DYSF: variants seen among roughly 807,000 people sequenced by gnomAD.
The protein encoded by DYSF is dysferlin, also known as dystrophy-associated fer-1-like 1.
DYSF carries 212 observed loss-of-function variants against 274.9 expected under a neutral mutation model. That is an observed-to-expected ratio of 0.77 (90% CI 0.69 to 0.86). The LOEUF is 0.86. Among genes scored for constraint, DYSF ranks in the 40% least tolerant of loss-of-function variants. DYSF has a pLI of 0.00. For synonymous variants in DYSF, 1,091 were observed against 1,078.7 expected (o/e 1.01, Z -0.22); for missense variants, 2,666 against 2,783.2 (o/e 0.96, Z 0.95).
intron 22 of DYSF, among the ~76,000 whole-genome samples, chr2:71,557,920 T>A (rs1269780356): frequency 6.6e-6 from 1 of 151,824 alleles, no homozygotes; most frequent in East Asian, 1.9e-4. Context: ...TAATCCCAGC[T>A]ACTTGGGAGG....
At chr2:71,571,239 A>T (rs1210768211) in intron 29 of DYSF, among the ~76,000 whole-genome samples, 6 of 144,884 alleles carry the variant, frequency 4.1e-5, no homozygotes, top group African/African-American at 1.6e-4. Flanking sequence ...GCACACACAG[A>T]TCACACCCAA....
At chr2:71,676,488 A>C (rs748339965) in intron 52 of DYSF, among the ~76,000 whole-genome samples, 5 of 152,176 alleles carry the variant, frequency 3.3e-5, no homozygotes, top group Non-Finnish European at 5.9e-5. Flanking sequence ...TGTATTAAGA[A>C]TACATTGCAA....
At chr2:71,519,811 G>GTTTTTTTTTTTTTTTTT (rs70959241) in intron 10 of DYSF, among the ~76,000 whole-genome samples, 11 of 102,288 alleles carry the variant, frequency 1.1e-4, no homozygotes, top group Non-Finnish European at 1.3e-4. Context: ...CACCCGGCTA[G>GTTTTTTTTTTTTTTTTT]TTTTTTTTTT....
At chr2:71,639,806 C>T (rs535030431) in intron 41 of DYSF, among the ~76,000 whole-genome samples, 1 of 152,306 alleles carries the variant, frequency 6.6e-6, no homozygotes, top group South Asian at 2.1e-4. Context: ...AGCCAGTTTG[C>T]CTTCTGGAAT....
At chr2:71,640,521 G>A (rs1042247610) in intron 41 of DYSF, among the ~76,000 whole-genome samples, 3 of 152,076 alleles carry the variant, frequency 2.0e-5, no homozygotes, top group African/African-American at 7.2e-5. Flanking sequence ...AAAATATATT[G>A]ATATTTAAAT....
At chr2:71,512,671 A>C (rs964599269) in intron 5 of DYSF, among the ~76,000 whole-genome samples, 1 of 152,208 alleles carries the variant, frequency 6.6e-6, no homozygotes, top group Non-Finnish European at 1.5e-5. Context: ...GCTAGTGGGC[A>C]CTTGCCCATG....
chr2:71,526,487 T>G (rs2087936469), intron 13 of DYSF, 141 bp downstream of exon 13: 1 of 1,243,050 alleles, frequency 8.0e-7, no homozygotes, highest in Non-Finnish European at 1.1e-6. Flanking sequence ...TAACGAAAAG[T>G]AATCAGTGCT....
intron 17 of DYSF, among the ~76,000 whole-genome samples, chr2:71,541,744 T>G (rs1045551527): frequency 6.6e-6 from 1 of 151,758 alleles, no homozygotes; most frequent in Non-Finnish European, 1.5e-5. Context: ...TTAACTCTAT[T>G]AATTTTTTTT....
intron 42 of DYSF, among the ~76,000 whole-genome samples, chr2:71,651,757 GA>G (rs1413602546): frequency 6.6e-6 from 1 of 152,030 alleles, no homozygotes; most frequent in Non-Finnish European, 1.5e-5. Flanking sequence ...AAATCTTAGA[GA>G]AATAATAGCA....
chr2:71,570,304 A>G lies in DYSF; in HGVS notation c.3055A>G (p.Thr1019Ala). 3 of 1,614,124 alleles carry G rather than the reference A, an allele frequency of 1.9e-6. No individual in the cohort carries two copies. The Admixed American group carries it at 5.0e-5, about 27-fold the overall frequency. ...GAAGTGGGAAGATGAGGAATGGTCC[A>G]CAGACCTCAACCGGGCTGTCGATGA... ...GWKWEDEEWSTDLNRAVDEQG... is the reference protein window; with the variant it reads ...GWKWEDEEWSADLNRAVDEQG... The change falls in exon 28 of 56, where the codon ACA becomes GCA. Residue 1019 changes from threonine (T) to alanine (A), a missense_variant. Physicochemically the swap from Thr to Ala is moderately conservative, Grantham distance 58. This residue lies in a region of DYSF where 1,460 missense variants were observed against 1,502.1 expected (regional missense o/e 0.97). Coordinates refer to ENST00000410020, the MANE Select transcript of DYSF (RefSeq NM_001130987.2).
chr2:71,512,353 A>G (rs2086187912), intron 5 of DYSF, among the ~76,000 whole-genome samples: 1 of 152,180 alleles, frequency 6.6e-6, no homozygotes, highest in Admixed American at 6.5e-5. Context: ...GTGTGTGACA[A>G]AAGAACTAGT....
At chr2:71,467,550 G>A (rs1223279513) in intron 1 of DYSF, among the ~76,000 whole-genome samples, 2 of 152,086 alleles carry the variant, frequency 1.3e-5, no homozygotes, top group Non-Finnish European at 2.9e-5. Flanking sequence ...TTCTGTGTGG[G>A]GCAGCAGAGA....
At chr2:71,584,874 G>C (rs1221232297) in intron 30 of DYSF, among the ~76,000 whole-genome samples, 1 of 152,194 alleles carries the variant, frequency 6.6e-6, no homozygotes, top group Non-Finnish European at 1.5e-5. Flanking sequence ...CAAATGGAGA[G>C]GACGACATCC....
intron 42 of DYSF, among the ~76,000 whole-genome samples, chr2:71,654,464 C>G (rs2094728372): frequency 6.6e-6 from 1 of 152,054 alleles, no homozygotes; most frequent in African/African-American, 2.4e-5. Flanking sequence ...TTTAAAACTC[C>G]CACACCGTAT....
chr2:71,568,068 G>A lies in DYSF; in HGVS notation c.2683G>A (p.Val895Ile). ...FNQFAEGKLS[V>I]FAETYENETK... The stretch of plus-strand genomic sequence containing the variant: ...CCAGTTTGCTGAGGGGAAGCTGTCT[G>A]TCTTTGCTGAAACCGTGAGTACCTG... Residue 895 changes from valine to isoleucine, a missense_variant, in exon 25 of 56, where the codon GTC (valine) becomes ATC (isoleucine). By Grantham distance (29) the Val-to-Ile change is conservative. This residue lies in a region of DYSF where 412 missense variants were observed against 504.0 expected (regional missense o/e 0.82). Transcript: ENST00000410020. 9 of 1,614,224 alleles carry A rather than the reference G, an allele frequency of 5.6e-6. No homozygotes were observed. Among genetic ancestry groups the A allele is most frequent in the Non-Finnish European group, 7.6e-6 (9 of 1,180,034 alleles).
rs2095358016 is a variant in DYSF at position 71,686,459 on chromosome 2, T to C, written c.6327T>C (p.Tyr2109=). ...LAIFIYAFPN[Y]AAMKLVKPFS ...TGTCTCCTCCCTCCCTCCAGAACTA[T>C]GCTGCCATGAAGCTGGTGAAGCCCT... is the stretch of plus-strand genomic sequence containing the variant. The change falls in exon 56 of 56, where the codon TAT becomes TAC. Residue 2109 remains tyrosine, a synonymous_variant. Coordinates refer to ENST00000410020, the MANE Select transcript of DYSF (RefSeq NM_001130987.2). 6.2e-7 allele frequency: 1 copy of C among 1,614,168 alleles called. No individual in the cohort carries two copies. The highest frequency in any genetic ancestry group is 1.3e-5 in the African/African-American group (1 of 75,062).
At chr2:71,582,440 G>A (rs1205991094) in intron 30 of DYSF, among the ~76,000 whole-genome samples, 1 of 152,178 alleles carries the variant, frequency 6.6e-6, no homozygotes, top group Non-Finnish European at 1.5e-5. Context: ...TAACCGAGAA[G>A]CCAAGTAGTA....
chr2:71,473,628 T>C (rs147724671), intron 1 of DYSF, among the ~76,000 whole-genome samples: 182 of 152,288 alleles, frequency 1.2e-3, no homozygotes, highest in African/African-American at 4.3e-3. Flanking sequence ...CTGCTCCTCC[T>C]GCTTCCCATT....
chr2:71,460,222 C>T (rs536581046), intron 1 of DYSF, among the ~76,000 whole-genome samples: 1 of 152,294 alleles, frequency 6.6e-6, no homozygotes, highest in Non-Finnish European at 1.5e-5. Context: ...CAGAAGTTCC[C>T]TTTGACAACG....
Sources: gnomAD v4.1 joint callset for allele counts (sites outside exome capture counted in the v4.1 genomes callset) on GRCh38, gnomAD v4.1.1 for gene constraint, gnomAD v4.1.1 regional missense constraint, MANE v1.5 for transcripts, NCBI Gene and HGNC (gene_info 2026-07-23, HGNC 2026-07-21) for gene names.